The following PPM1H variants were observed in gnomAD, a reference collection of about 807,000 sequenced individuals.
PPM1H encodes protein phosphatase 1H.
A neutral mutation model predicts 54.9 loss-of-function variants in PPM1H; 27 were observed. The ratio of observed to expected loss-of-function variants is 0.49; its 90% confidence interval spans 0.36 to 0.68. The LOEUF (loss-of-function observed/expected upper bound fraction) is 0.68, where lower values mean the gene tolerates loss of function less well. Ranked by LOEUF, PPM1H falls within the 30% of genes least tolerant of loss-of-function variation. PPM1H has a pLI of 0.00. For missense variants in PPM1H, 596 were observed against 667.8 expected, an observed-to-expected ratio of 0.89 and a Z score of 1.19; for synonymous variants, 305 against 270.8, an observed-to-expected ratio of 1.13 and a Z score of -1.24.
intron 6 of PPM1H, 115 bp from the exon 7 acceptor site, chr12:62,694,114 T>C (rs986939582): frequency 4.7e-6 from 4 of 846,494 alleles, no homozygotes; most frequent in Non-Finnish European, 7.6e-6. Flanking sequence ...CTCACCACAC[T>C]GACTACCTCT....
intron 2 of PPM1H, among the ~76,000 whole-genome samples, chr12:62,813,280 G>A (rs1222839395): frequency 6.6e-6 from 1 of 152,178 alleles, no homozygotes; most frequent in African/African-American, 2.4e-5. Flanking sequence ...CTAGAGTTTT[G>A]CAAACCTCTT....
rs554924191 is a variant in PPM1H, at chr12:62,802,425, G to A, written c.412-265C>T. On this transcript the variant is annotated intron_variant, in intron 2 of 9. Transcript: ENST00000228705. ...GGTCTCTGCCTCCCCACCTAGCAAG[G>A]GAGCCCAAATGATCATACACTAAGC... Among the ~76,000 whole-genome samples the A allele has an allele frequency of 8.5e-5, 13 of 152,220 alleles. No homozygotes were observed. In the East Asian group the frequency reaches 1.7e-3, roughly 20 times the overall value.
chr12:62,909,351 C>T (rs575663100), intron 1 of PPM1H, among the ~76,000 whole-genome samples: 9 of 152,292 alleles, frequency 5.9e-5, no homozygotes, highest in South Asian at 2.1e-4. Flanking sequence ...TGTTCCTCTG[C>T]GCAAAATCTC....
intron 4 of PPM1H, among the ~76,000 whole-genome samples, chr12:62,746,012 T>C (rs1592576491): frequency 6.6e-6 from 1 of 151,984 alleles, no homozygotes; most frequent in East Asian, 1.9e-4. Context: ...GGCAACATAC[T>C]GAGACCCTCG....
chr12:62,878,661 C>T (rs1870272719), intron 1 of PPM1H, among the ~76,000 whole-genome samples: 1 of 139,918 alleles, frequency 7.1e-6, no homozygotes, highest in South Asian at 2.3e-4. Context: ...AAAAAGAGGC[C>T]AGGCATGGTG....
At chr12:62,795,675 A>C (rs1031625253) in intron 3 of PPM1H, among the ~76,000 whole-genome samples, 2 of 151,892 alleles carry the variant, frequency 1.3e-5, no homozygotes, top group African/African-American at 2.4e-5. Flanking sequence ...CTCGTGATCC[A>C]CCTGCCTGGG....
intron 4 of PPM1H, among the ~76,000 whole-genome samples, chr12:62,786,411 C>A (rs1398985946): frequency 6.6e-6 from 1 of 152,228 alleles, no homozygotes; most frequent in Non-Finnish European, 1.5e-5. Flanking sequence ...TGGCCTGTGT[C>A]TGTGTCCTGG....
intron 4 of PPM1H, among the ~76,000 whole-genome samples, chr12:62,753,052 G>C (rs1222781294): frequency 1.3e-5 from 2 of 152,156 alleles, no homozygotes; most frequent in African/African-American, 4.8e-5. Context: ...GGCTAAAAAA[G>C]ATTTGTGAAT....
chr12:62,817,116 T>TAAAAAAAAAAAAAAAAAAAA (rs1189819660), intron 2 of PPM1H, among the ~76,000 whole-genome samples: 2 of 41,786 alleles, frequency 4.8e-5, no homozygotes, highest in Non-Finnish European at 4.6e-5. Flanking sequence ...ACTGCATTAC[T>TAAAAAAAAAAAAAAAAAAAA]AAAAAAAAAA....
intron 2 of PPM1H, 84 bp from the exon 3 acceptor site, chr12:62,802,244 C>T (rs2076775410): frequency 1.5e-5 from 17 of 1,106,410 alleles, no homozygotes; most frequent in South Asian, 7.5e-5. Flanking sequence ...ATCTATGGGA[C>T]TGAGGGTCCA....
intron 8 of PPM1H, among the ~76,000 whole-genome samples, chr12:62,687,140 A>G (rs1341716179): frequency 6.6e-6 from 1 of 152,242 alleles, no homozygotes; most frequent in East Asian, 1.9e-4. Flanking sequence ...GCAGAACTCC[A>G]TGTGAGGGCT....
chr12:62,867,566 T>A (rs1440608386), intron 1 of PPM1H, among the ~76,000 whole-genome samples: 1 of 56,936 alleles, frequency 1.8e-5, no homozygotes, highest in Non-Finnish European at 3.5e-5. Flanking sequence ...TGAGCACTAT[T>A]TTTTTTTTTT....
chr12:62,880,901 G>A (rs1029650578), intron 1 of PPM1H, among the ~76,000 whole-genome samples: 1 of 152,116 alleles, frequency 6.6e-6, no homozygotes, highest in Non-Finnish European at 1.5e-5. Flanking sequence ...CTCTGTGTCT[G>A]CAGCCCAGAC....
intron 2 of PPM1H, among the ~76,000 whole-genome samples, chr12:62,805,886 G>C (rs2076802845): frequency 6.6e-6 from 1 of 152,154 alleles, no homozygotes; most frequent in African/African-American, 2.4e-5. Flanking sequence ...CTATGTAAGG[G>C]AATGGATGTA....
At position 62,703,975 on chromosome 12, in the gene PPM1H, C is replaced by CGTGTGTGTGTGTGT. The variant is rs4026211; in HGVS notation, c.1074-9990_1074-9977dup. ...CTCACTACATGAAAGAGAGAGAAAGCGTGTGTGTGTGTGTGTGTGTGTGTG... is the reference window on the plus strand; with the variant it reads ...CTCACTACATGAAAGAGAGAGAAAGCGTGTGTGTGTGTGTGTGTGTGTGTGTGTGTGTGTGTGTG... On this transcript the variant is annotated intron_variant, in intron 6 of 9. Coordinates refer to ENST00000228705, the MANE Select transcript of PPM1H (RefSeq NM_020700.2). Among the ~76,000 whole-genome samples, 456 of 146,656 alleles carry CGTGTGTGTGTGTGT rather than the reference C, an allele frequency of 3.1e-3. 4 individuals are homozygous for CGTGTGTGTGTGTGT. The highest frequency in any genetic ancestry group is 9.6e-3 in the African/African-American group (382 of 39,592).
intron 1 of PPM1H, among the ~76,000 whole-genome samples, chr12:62,902,803 G>A (rs529513689): frequency 6.6e-6 from 1 of 152,336 alleles, no homozygotes; most frequent in South Asian, 2.1e-4. Flanking sequence ...ATAATTATGA[G>A]TAGTACTAAG....
chr12:62,859,151 A>C (rs1565811968), intron 1 of PPM1H, among the ~76,000 whole-genome samples: 1 of 152,228 alleles, frequency 6.6e-6, no homozygotes, highest in Non-Finnish European at 1.5e-5. Context: ...TCCCTGGAAG[A>C]AACAGGGGAG....
intron 1 of PPM1H, among the ~76,000 whole-genome samples, chr12:62,915,415 T>C (rs1206994166): frequency 6.6e-6 from 1 of 152,202 alleles, no homozygotes; most frequent in African/African-American, 2.4e-5. Context: ...TTGGAGGGCT[T>C]TGGGCACAGC....
chr12:62,908,280 G>A (rs964972414), intron 1 of PPM1H, among the ~76,000 whole-genome samples: 2 of 151,880 alleles, frequency 1.3e-5, no homozygotes, highest in Non-Finnish European at 2.9e-5. Flanking sequence ...GATGGTGGGC[G>A]CCTGTAATCC....
Sources: allele counts gnomAD v4.1 joint callset (sites outside exome capture counted in the v4.1 genomes callset), GRCh38; gene constraint gnomAD v4.1.1; transcripts MANE v1.5; gene names NCBI Gene and HGNC (gene_info 2026-07-23, HGNC 2026-07-21).